Variants in MAPK4 observed in about 807,000 individuals in gnomAD.
The protein encoded by MAPK4 is mitogen-activated protein kinase 4, also known as Erk3-related.
In MAPK4, 22 loss-of-function variants were observed where a neutral mutation model predicts 47.7. That is an observed-to-expected ratio of 0.46 (90% CI 0.33 to 0.66). MAPK4 has a LOEUF of 0.66. Ranked by LOEUF, MAPK4 falls within the 30% of genes least tolerant of loss-of-function variation. MAPK4 has a pLI of 0.02. For synonymous variants in MAPK4, 390 were observed against 365.7 expected, an observed-to-expected ratio of 1.07 and a Z score of -0.76; for missense variants, 736 against 831.7, an observed-to-expected ratio of 0.88 and a Z score of 1.42.
chr18:50,729,525 A>G lies in MAPK4; in HGVS notation c.1435A>G (p.Thr479Ala), dbSNP rs1911418757. 2 of 1,436,146 alleles carry G rather than the reference A, an allele frequency of 1.4e-6. No homozygotes were observed. Among genetic ancestry groups the G allele is most frequent in the Non-Finnish European group, 1.8e-6 (2 of 1,095,094 alleles). 89.0% of individuals were successfully genotyped at this position (1,436,146 alleles called of 1,614,324 possible). ...APPTATGLAD[T>A]GAREDEPASL... The stretch of plus-strand genomic sequence containing the variant: ...CCCCACGGCCACGGGGCTGGCGGAC[A>G]CGGGGGCGCGCGAGGACGAGCCGGC... Residue 479 changes from threonine (T) to alanine (A), a missense_variant, in exon 6 of 6, where the codon ACG becomes GCG. This residue lies in a region of MAPK4 where 377 missense variants were observed against 378.6 expected (regional missense o/e 1.00). Coordinates refer to ENST00000400384, the MANE Select transcript of MAPK4 (RefSeq NM_002747.4).
intron 1 of MAPK4, among the ~76,000 whole-genome samples, chr18:50,639,354 C>T (rs1045315794): frequency 1.3e-5 from 2 of 152,086 alleles, no homozygotes; most frequent in African/African-American, 4.8e-5. Flanking sequence ...CCTGAAAAAC[C>T]CTTTTCCATG....
intron 4 of MAPK4, 60 bp downstream of exon 4, chr18:50,722,159 C>T (rs1041021417): frequency 2.1e-5 from 33 of 1,556,840 alleles, no homozygotes; most frequent in African/African-American, 8.4e-5. Context: ...CTCCACCTTG[C>T]GGGGTAGGGG....
At chr18:50,568,484 G>T (rs781198304) in intron 1 of MAPK4, among the ~76,000 whole-genome samples, 2 of 152,302 alleles carry the variant, frequency 1.3e-5, no homozygotes, top group Admixed American at 6.5e-5. Flanking sequence ...CATGAGGAGA[G>T]TGTTGCCTAG....
intron 1 of MAPK4, among the ~76,000 whole-genome samples, chr18:50,599,324 T>A (rs1416057175): frequency 6.6e-6 from 1 of 152,246 alleles, no homozygotes; most frequent in Non-Finnish European, 1.5e-5. Context: ...TCAGTCTTTT[T>A]ACCTCACTTC....
At chr18:50,599,552 G>A (rs1228224924) in intron 1 of MAPK4, among the ~76,000 whole-genome samples, 1 of 152,086 alleles carries the variant, frequency 6.6e-6, no homozygotes, top group Non-Finnish European at 1.5e-5. Context: ...CTAATAGCTG[G>A]GAGTAAAGGC....
intron 1 of MAPK4, among the ~76,000 whole-genome samples, chr18:50,637,201 T>C (rs2042896208): frequency 6.6e-6 from 1 of 152,180 alleles, no homozygotes; most frequent in South Asian, 2.1e-4. Flanking sequence ...GTGATAATAA[T>C]AATCATGGCA....
chr18:50,717,801 G>C (rs1424975964), intron 3 of MAPK4, among the ~76,000 whole-genome samples: 1 of 152,202 alleles, frequency 6.6e-6, no homozygotes, highest in African/African-American at 2.4e-5. Flanking sequence ...CATATGGGCA[G>C]CTGGTGTAAT....
chr18:50,715,253 TC>T, intron 3 of MAPK4, 30 bp downstream of exon 3: 2 of 1,599,890 alleles, frequency 1.3e-6, no homozygotes, highest in South Asian at 1.1e-5. Flanking sequence ...ACCTTCCTTC[TC>T]ATCTGGCGTC....
At chr18:50,718,723 T>G in intron 3 of MAPK4, among the ~76,000 whole-genome samples, 1 of 152,146 alleles carries the variant, frequency 6.6e-6, no homozygotes, top group East Asian at 1.9e-4. Flanking sequence ...ATGCTATATA[T>G]AAAACATATA....
intron 1 of MAPK4, among the ~76,000 whole-genome samples, chr18:50,613,000 G>A (rs2042653416): frequency 6.6e-6 from 1 of 152,150 alleles, no homozygotes; most frequent in Non-Finnish European, 1.5e-5. Flanking sequence ...GCTTCTCTAG[G>A]TGAAGCAAGT....
chr18:50,725,512 C>T (rs561227333), intron 4 of MAPK4, among the ~76,000 whole-genome samples: 114 of 152,340 alleles, frequency 7.5e-4, no homozygotes, highest in African/African-American at 2.5e-3. Context: ...TTCCCTGCCC[C>T]GCAAGGGGAA....
At chr18:50,662,670 A>G (rs986553583) in intron 1 of MAPK4, among the ~76,000 whole-genome samples, 1 of 152,248 alleles carries the variant, frequency 6.6e-6, no homozygotes, top group African/African-American at 2.4e-5. Flanking sequence ...AAGTGCAAAA[A>G]CACGAGTATC....
chr18:50,665,767 C>T (rs17719026), intron 2 of MAPK4, among the ~76,000 whole-genome samples: 2,235 of 152,324 alleles, frequency 0.015, 39 homozygotes, highest in Middle Eastern at 0.027. Context: ...CCACAAATTA[C>T]TTAGTGACCT....
chr18:50,654,081 G>A (rs2043081201), intron 1 of MAPK4, among the ~76,000 whole-genome samples: 2 of 152,160 alleles, frequency 1.3e-5, no homozygotes, highest in Admixed American at 6.5e-5. Flanking sequence ...TAGTATATAC[G>A]GCACACATCT....
chr18:50,664,253 A>C lies in MAPK4; in HGVS notation c.295A>C (p.Ser99Arg). 1 of 1,613,842 alleles carries C rather than the reference A, an allele frequency of 6.2e-7. No individual in the cohort carries two copies. The highest frequency in any genetic ancestry group is 1.1e-5 in the South Asian group (1 of 91,086). The change falls in exon 2 of 6, where the codon AGC becomes CGC. Residue 99 changes from serine (S) to arginine (R), a missense_variant. Physicochemically the swap from Ser to Arg is moderately radical, Grantham distance 110. Transcript: ENST00000400384. This position sits in a 1 kb window ranked among gnomAD's most constrained non-coding sequence, Gnocchi z 6.0. Reference sequence around the variant, plus strand: ...CCTGCAGGGTGAGCTGTTCAAGTTCAGCGTGGCGTACATCGTCCAGGAGTA... The same window carrying C: ...CCTGCAGGGTGAGCTGTTCAAGTTCCGCGTGGCGTACATCGTCCAGGAGTA... ...TDLQGELFKF[S>R]VAYIVQEYME...
intron 2 of MAPK4, among the ~76,000 whole-genome samples, chr18:50,680,304 C>G (rs1007506047): frequency 1.3e-5 from 2 of 151,882 alleles, no homozygotes; most frequent in Admixed American, 1.3e-4. Context: ...ATTGGCCAGG[C>G]TGGTCTTGAA....
rs539888250 is a variant in MAPK4 at position 50,645,484 on chromosome 18, A to G, written c.-870-17605A>G. ...AATCAATGCATGAATGTGTGTGATT[A>G]TTAGACACTCTACACAGTGACAGCC... On this transcript the variant is annotated intron_variant, in intron 1 of 5. Coordinates refer to ENST00000400384, the MANE Select transcript of MAPK4 (RefSeq NM_002747.4). 2.0e-5 allele frequency among the ~76,000 whole-genome samples: 3 copies of G among 152,330 alleles called. No homozygotes were observed. The South Asian group carries it at 6.2e-4, about 32-fold the overall frequency.
chr18:50,597,335 C>T (rs1428911851), intron 1 of MAPK4, among the ~76,000 whole-genome samples: 1 of 152,200 alleles, frequency 6.6e-6, no homozygotes, highest in Non-Finnish European at 1.5e-5. Flanking sequence ...ACTGGAAACA[C>T]TAAAAGCTAG....
intron 2 of MAPK4, among the ~76,000 whole-genome samples, chr18:50,710,899 G>A (rs1910327608): frequency 6.6e-6 from 1 of 152,196 alleles, no homozygotes; most frequent in Admixed American, 6.5e-5. Flanking sequence ...ATTGGATTGA[G>A]CCTTCTCCCC....
Sources: gnomAD v4.1 joint callset for allele counts (sites outside exome capture counted in the v4.1 genomes callset) on GRCh38, gnomAD v4.1.1 for gene constraint, gnomAD v4.1.1 regional missense constraint, Gnocchi (gnomAD v3.1) non-coding constraint, MANE v1.5 for transcripts, NCBI Gene and HGNC (gene_info 2026-07-23, HGNC 2026-07-21) for gene names.